The following SYT14 variants were observed in gnomAD, a reference collection of about 807,000 sequenced individuals.
SYT14 encodes the protein synaptotagmin-14.
In SYT14, 32 loss-of-function variants were observed where a neutral mutation model predicts 74.2. The ratio of observed to expected loss-of-function variants is 0.43; its 90% CI spans 0.33 to 0.58. The LOEUF (loss-of-function observed/expected upper bound fraction) is 0.58. Among genes scored for constraint, SYT14 ranks in the 20% least tolerant of loss-of-function variants. The pLI is 0.05. For synonymous variants in SYT14, 298 were observed against 337.7 expected (o/e 0.88, Z 1.29); for missense variants, 791 against 981.8 (o/e 0.81, Z 2.60).
chr1:209,985,644 C>T (rs2079558116), intron 2 of SYT14, among the ~76,000 whole-genome samples: 1 of 152,262 alleles, frequency 6.6e-6, no homozygotes, highest in Non-Finnish European at 1.5e-5. Context: ...CCTCCATCCT[C>T]ACATTTTCCC....
intron 7 of SYT14, among the ~76,000 whole-genome samples, chr1:210,118,995 A>T (rs1471555455): frequency 6.6e-6 from 1 of 152,146 alleles, no homozygotes; most frequent in Non-Finnish European, 1.5e-5. Context: ...CTTAATTCTC[A>T]TATTTTTGTA....
exon 10 of SYT14, chr1:210,161,123 G>T: frequency 6.9e-7 from 1 of 1,458,270 alleles, no homozygotes. Flanking sequence ...AGTCCCATTA[G>T]AAGAGCTGTT....
At chr1:210,105,738 T>A (rs1194941005) in intron 7 of SYT14, among the ~76,000 whole-genome samples, 1 of 152,144 alleles carries the variant, frequency 6.6e-6, no homozygotes, top group Non-Finnish European at 1.5e-5. Flanking sequence ...GATTGGATCC[T>A]GGGGGCAGAT....
chr1:210,087,882 C>G (rs138178566), intron 5 of SYT14, among the ~76,000 whole-genome samples: 2 of 152,124 alleles, frequency 1.3e-5, no homozygotes, highest in African/African-American at 2.4e-5. Flanking sequence ...CCTTCCTCTG[C>G]CCCACTCAGT....
chr1:210,052,289 C>A (rs1247004778), intron 5 of SYT14, among the ~76,000 whole-genome samples: 1 of 150,436 alleles, frequency 6.6e-6, no homozygotes, highest in African/African-American at 2.4e-5. Context: ...GGCGCGATCT[C>A]GGCTCACTGC....
chr1:209,964,089 A>G (rs1478582710), intron 2 of SYT14, among the ~76,000 whole-genome samples: 1 of 152,074 alleles, frequency 6.6e-6, no homozygotes, highest in Non-Finnish European at 1.5e-5. Context: ...CATTATCCCC[A>G]CATGTCAAGG....
exon 10 of SYT14, chr1:210,163,618 G>A (rs577874090): frequency 2.2e-6 from 1 of 453,168 alleles, no homozygotes; most frequent in African/African-American, 2.0e-5. Flanking sequence ...ATTATATTTG[G>A]TTTGGGTTGC....
At chr1:210,101,734 GTTA>G (rs1051826264) in intron 7 of SYT14, among the ~76,000 whole-genome samples, 2 of 152,018 alleles carry the variant, frequency 1.3e-5, no homozygotes, top group African/African-American at 4.8e-5. Context: ...ATAATCTACA[GTTA>G]TTAATATGAT....
intron 2 of SYT14, among the ~76,000 whole-genome samples, chr1:209,982,683 T>G (rs538192641): frequency 6.6e-6 from 1 of 152,388 alleles, no homozygotes; most frequent in South Asian, 2.1e-4. Flanking sequence ...TGTGTGGATG[T>G]AAGTTTTCAA....
chr1:209,986,516 G>A (rs1414660664), intron 2 of SYT14, among the ~76,000 whole-genome samples: 3 of 152,038 alleles, frequency 2.0e-5, no homozygotes, highest in Non-Finnish European at 4.4e-5. Context: ...AGGAGGCTGA[G>A]GCAGGAGAAT....
intron 4 of SYT14, 36 bp from the exon 4 acceptor site, chr1:210,021,003 T>C (rs2080289954): frequency 1.9e-6 from 3 of 1,599,380 alleles, no homozygotes; most frequent in Admixed American, 1.7e-5. Flanking sequence ...AATTTTTTTT[T>C]CAATTACCGT....
chr1:210,025,100 T>C (rs964307662), intron 5 of SYT14, among the ~76,000 whole-genome samples: 17 of 152,216 alleles, frequency 1.1e-4, no homozygotes, highest in African/African-American at 3.4e-4. Context: ...TGGGGGGTTT[T>C]GTTTGTAACC....
intron 7 of SYT14, among the ~76,000 whole-genome samples, chr1:210,102,457 G>GTGCTA (rs1419974855): frequency 6.6e-6 from 1 of 151,828 alleles, no homozygotes; most frequent in Non-Finnish European, 1.5e-5. Flanking sequence ...TTTGGCTTCT[G>GTGCTA]TGCTATCAGT....
intron 7 of SYT14, among the ~76,000 whole-genome samples, chr1:210,142,879 A>G (rs1382225717): frequency 6.6e-6 from 1 of 152,200 alleles, no homozygotes; most frequent in African/African-American, 2.4e-5. Context: ...ATAGTGATCT[A>G]TTTTTAAAAC....
chr1:210,032,404 A>G (rs2080558986), intron 5 of SYT14, among the ~76,000 whole-genome samples: 1 of 152,062 alleles, frequency 6.6e-6, no homozygotes, highest in Non-Finnish European at 1.5e-5. Context: ...TTTGTCCCAC[A>G]CCAGGTATCT....
intron 5 of SYT14, among the ~76,000 whole-genome samples, chr1:210,079,300 C>T (rs1485531599): frequency 6.6e-6 from 1 of 151,914 alleles, no homozygotes; most frequent in Non-Finnish European, 1.5e-5. Context: ...AAGCCCAAAC[C>T]TCACCATCAC....
intron 5 of SYT14, among the ~76,000 whole-genome samples, chr1:210,065,318 A>T (rs1384341102): frequency 1.3e-5 from 2 of 151,990 alleles, no homozygotes; most frequent in Non-Finnish European, 2.9e-5. Context: ...GTTACCTCTC[A>T]TGCTGTTCTT....
In SYT14 at chr1:210,100,157, T is replaced by TC; in HGVS notation, c.1733dup (p.Thr579AsnfsTer3). ...GTAACAGTGACAGCTGTCACAGACA[T>TC]CCCAACATATAACAGGACAGGTGGC... On this transcript the variant is annotated frameshift_variant, in exon 7 of 10. Transcript: ENST00000637265. LOFTEE classifies it high-confidence loss of function. 1 of 1,614,014 alleles carries TC rather than the reference T, an allele frequency of 6.2e-7. No homozygotes were observed.
chr1:209,955,461 A>G (rs2102691511), intron 2 of SYT14, among the ~76,000 whole-genome samples: 1 of 152,210 alleles, frequency 6.6e-6, no homozygotes, highest in Non-Finnish European at 1.5e-5. Context: ...AATCAGTTCT[A>G]CCTGCAAAGT....
Sources: gnomAD v4.1 joint callset for allele counts (sites outside exome capture counted in the v4.1 genomes callset) on GRCh38, gnomAD v4.1.1 for gene constraint, MANE v1.5 for transcripts, NCBI Gene and HGNC (gene_info 2026-07-23, HGNC 2026-07-21) for gene names.